SESN2: variants seen among roughly 807,000 people sequenced by gnomAD.
SESN2 encodes sestrin-2.
SESN2 carries 42 observed loss-of-function variants against 56.0 expected under a neutral mutation model. The ratio of observed to expected loss-of-function variants is 0.75; its 90% CI spans 0.59 to 0.97. The LOEUF (loss-of-function observed/expected upper bound fraction) is 0.97, where lower values mean the gene tolerates loss of function less well. Among genes scored for constraint, SESN2 ranks in the 50% least tolerant of loss-of-function variants. SESN2 has a pLI of 0.00. For synonymous variants in SESN2, 264 were observed against 267.1 expected, an observed-to-expected ratio of 0.99 and a Z score of 0.11; for missense variants, 507 against 649.4, an observed-to-expected ratio of 0.78 and a Z score of 2.38.
chr1:28,264,816 A>G (rs1647502623), intron 1 of SESN2, among the ~76,000 whole-genome samples: 1 of 152,186 alleles, frequency 6.6e-6, no homozygotes, highest in Non-Finnish European at 1.5e-5. Flanking sequence ...GGACTGTGCT[A>G]TGCTAGGCAC....
At chr1:28,277,602 C>T (rs989418612) in intron 8 of SESN2, among the ~76,000 whole-genome samples, 5 of 152,124 alleles carry the variant, frequency 3.3e-5, no homozygotes, top group Non-Finnish European at 5.9e-5. Context: ...CTATTCATTT[C>T]AGTTGTTTTA....
At chr1:28,271,935 C>A in intron 3 of SESN2, 64 bp downstream of exon 3, 1 of 1,475,518 alleles carries the variant, frequency 6.8e-7, no homozygotes, top group Non-Finnish European at 9.4e-7. Flanking sequence ...CCTTTGATCT[C>A]TTTTCTGGGA....
In SESN2 at chr1:28,281,193, C is replaced by T. The variant is rs958806445; in HGVS notation, c.*391C>T. The T allele has an allele frequency of 1.7e-5, 3 of 177,354 alleles. No homozygotes were observed. The highest frequency in any genetic ancestry group is 4.7e-5 in the African/African-American group (2 of 42,424). The allele number at this position is 177,354 out of a possible 1,614,324, so 11.0% of individuals were successfully genotyped here. On this transcript the variant is annotated 3_prime_UTR_variant, in exon 10 of 10. Transcript: ENST00000253063. ...CCCGGGGGAGAGGGGCAAATGCCTC[C>T]GGGACTGACACTCCAGGCAGCTTTG... is the stretch of plus-strand genomic sequence containing the variant.
At chr1:28,276,911 ATTTC>A (rs1557735618) in intron 8 of SESN2, among the ~76,000 whole-genome samples, 3 of 72,592 alleles carry the variant, frequency 4.1e-5, no homozygotes, top group African/African-American at 1.5e-4. Flanking sequence ...TTATTTATTT[ATTTC>A]TTTATTTTTG....
At chr1:28,259,970 T>C in intron 1 of SESN2, 33 bp downstream of exon 1, 1 of 1,462,474 alleles carries the variant, frequency 6.8e-7, no homozygotes, top group East Asian at 2.9e-5. Flanking sequence ...CCCTCTTCCC[T>C]GGAACCCCGA....
rs766771253 is a variant in SESN2 at position 28,273,325 on chromosome 1, GAGT to G, written c.751-30_751-28del. ...AGCTTCCCAGAGGCTGAAGGAGGAG[GAGT>G]AGCTGGTCACCACGGGGCCTCTCCT... On this transcript the variant is annotated intron_variant, in intron 5 of 9. Transcript: ENST00000253063. 5.9e-6 allele frequency: 9 copies of G among 1,527,716 alleles called. No homozygotes were observed. In the South Asian group the frequency reaches 1.1e-4, roughly 19 times the overall value. 94.6% of individuals were successfully genotyped at this position (1,527,716 alleles called of 1,614,324 possible).
intron 8 of SESN2, among the ~76,000 whole-genome samples, chr1:28,277,364 T>C (rs1261147004): frequency 6.6e-6 from 1 of 152,042 alleles, no homozygotes; most frequent in African/African-American, 2.4e-5. Flanking sequence ...TATAGGTGGG[T>C]GCCACCATGC....
chr1:28,274,184 C>A, intron 7 of SESN2, 26 bp downstream of exon 7: 1 of 1,411,162 alleles, frequency 7.1e-7, no homozygotes, highest in Non-Finnish European at 1.0e-6. Context: ...CTAGTCTTGG[C>A]CATTGCTCCA....
At chr1:28,278,354 G>GT (rs1347535583) in intron 8 of SESN2, among the ~76,000 whole-genome samples, 1 of 152,112 alleles carries the variant, frequency 6.6e-6, no homozygotes, top group East Asian at 1.9e-4. Flanking sequence ...GGATCATGAG[G>GT]TCAGGAGTTC....
rs139289642 is a variant in SESN2, at chr1:28,274,674, C to T, written c.1021-151C>T. Reference sequence around the variant, plus strand: ...GGAGAAGGTCATCACCAAAGTATACCTTCCTTGACCTCTCAGGCCCAGAGC... The same window carrying T: ...GGAGAAGGTCATCACCAAAGTATACTTTCCTTGACCTCTCAGGCCCAGAGC... On this transcript the variant is annotated intron_variant, in intron 7 of 9. Coordinates refer to ENST00000253063, the MANE Select transcript of SESN2 (RefSeq NM_031459.5). 3,654 of 659,340 alleles carry T rather than the reference C, an allele frequency of 5.5e-3. 32 individuals carry two copies. Among genetic ancestry groups the T allele is most frequent in the Middle Eastern group, 9.1e-3 (21 of 2,314 alleles). 40.8% of individuals were successfully genotyped at this position (659,340 alleles called of 1,614,324 possible).
At chr1:28,270,313 T>C (rs1046652358) in intron 2 of SESN2, among the ~76,000 whole-genome samples, 2 of 150,434 alleles carry the variant, frequency 1.3e-5, no homozygotes, top group Non-Finnish European at 2.9e-5. Flanking sequence ...ATCGCGCCAC[T>C]GCACTCCAGC....
rs1053101 is a variant in SESN2, at chr1:28,281,175, G to T, written c.*373G>T. 1.5e-4 allele frequency: 29 copies of T among 187,820 alleles called. No homozygotes were observed. The highest frequency in any genetic ancestry group is 3.5e-4 in the Admixed American group (6 of 16,952). 11.6% of individuals were successfully genotyped at this position (187,820 alleles called of 1,614,324 possible). ...GGAAGTCCCTGGCTGGCCCCCGGGGGAGAGGGGCAAATGCCTCCGGGACTG... is the reference window on the plus strand; with the variant it reads ...GGAAGTCCCTGGCTGGCCCCCGGGGTAGAGGGGCAAATGCCTCCGGGACTG... On this transcript the variant is annotated 3_prime_UTR_variant, in exon 10 of 10. Transcript: ENST00000253063.
chr1:28,271,555 TTGGACACGGTGG>T, intron 2 of SESN2, 107 bp from the exon 3 acceptor site: 1 of 689,544 alleles, frequency 1.5e-6, no homozygotes, highest in Non-Finnish European at 2.6e-6. Context: ...TTCTTTCTTT[TTGGACACGGTGG>T]TGGTTTTTAG....
chr1:28,264,435 A>G (rs1231847171), intron 1 of SESN2, among the ~76,000 whole-genome samples: 1 of 152,216 alleles, frequency 6.6e-6, no homozygotes, highest in East Asian at 1.9e-4. Flanking sequence ...TAAAGGGTTA[A>G]CTTTAGTGTT....
At chr1:28,276,260 C>T (rs1422664845) in intron 8 of SESN2, among the ~76,000 whole-genome samples, 1 of 152,178 alleles carries the variant, frequency 6.6e-6, no homozygotes, top group African/African-American at 2.4e-5. Context: ...AGGAGGATTA[C>T]ATGAGGCCAG....
intron 1 of SESN2, 26 bp from the exon 2 acceptor site, chr1:28,269,150 TACTACGG>T (rs1449987524): frequency 6.5e-7 from 1 of 1,545,824 alleles, no homozygotes; most frequent in Non-Finnish European, 8.9e-7. Context: ...TTCTCCCTTC[TACTACGG>T]ACTAACCTCA....
At chr1:28,261,366 A>G (rs1178262769) in intron 1 of SESN2, among the ~76,000 whole-genome samples, 1 of 152,212 alleles carries the variant, frequency 6.6e-6, no homozygotes, top group Non-Finnish European at 1.5e-5. Flanking sequence ...CTAGAGAGCA[A>G]GAGTGCTGGG....
chr1:28,280,485 C>T (rs1309928258), intron 9 of SESN2, among the ~76,000 whole-genome samples: 21 of 152,210 alleles, frequency 1.4e-4, no homozygotes, highest in African/African-American at 4.3e-4. Flanking sequence ...GGATTACAGG[C>T]GTGAGCCACC....
intron 1 of SESN2, among the ~76,000 whole-genome samples, chr1:28,264,490 C>T (rs1647490958): frequency 6.6e-6 from 1 of 151,902 alleles, no homozygotes; most frequent in Non-Finnish European, 1.5e-5. Flanking sequence ...ATAAAAATAC[C>T]CAACACTGGT....
Sources: allele counts gnomAD v4.1 joint callset (sites outside exome capture counted in the v4.1 genomes callset), GRCh38; gene constraint gnomAD v4.1.1; transcripts MANE v1.5; gene names NCBI Gene and HGNC (gene_info 2026-07-23, HGNC 2026-07-21).